TRMT9B: variants seen among roughly 807,000 people sequenced by gnomAD.
TRMT9B encodes the protein tRNA methyltransferase 9B (putative).
TRMT9B carries 16 observed loss-of-function variants against 11.5 expected under a neutral mutation model. That is an observed-to-expected ratio of 1.39 (90% CI 0.94 to 2.11). The LOEUF (loss-of-function observed/expected upper bound fraction) is 2.11, where lower values mean the gene tolerates loss of function less well. TRMT9B is among the 30% of genes most tolerant of loss of function. The probability of loss-of-function intolerance (pLI) is 0.00; values close to 1 mark genes in which losing one functional copy is unlikely to be tolerated. For synonymous variants in TRMT9B, 274 were observed against 192.4 expected (o/e 1.42, Z -3.51); for missense variants, 941 against 553.8 (o/e 1.70, Z -7.02).
intron 4 of TRMT9B, among the ~76,000 whole-genome samples, chr8:13,015,700 C>T (rs1812521756): frequency 6.6e-6 from 1 of 152,120 alleles, no homozygotes; most frequent in South Asian, 2.1e-4. Flanking sequence ...GACCATTCCA[C>T]TGAGACACTG....
At chr8:13,018,458 G>A (rs1309549942) in intron 4 of TRMT9B, among the ~76,000 whole-genome samples, 1 of 151,128 alleles carries the variant, frequency 6.6e-6, no homozygotes, top group African/African-American at 2.4e-5. Flanking sequence ...AATTCTGAAT[G>A]TTGATGTATG....
intron 1 of TRMT9B, among the ~76,000 whole-genome samples, chr8:12,971,361 G>A (rs1803593207): frequency 6.6e-6 from 1 of 152,124 alleles, no homozygotes; most frequent in Non-Finnish European, 1.5e-5. Flanking sequence ...CCAGGGAACG[G>A]CGGGCCTGGG....
intron 2 of TRMT9B, 95 bp from the exon 3 acceptor site, chr8:13,006,107 G>T: frequency 1.7e-6 from 2 of 1,208,334 alleles, no homozygotes; most frequent in Non-Finnish European, 2.3e-6. Context: ...GTTTGCAGTT[G>T]TAGGCTCCAG....
At chr8:13,017,189 T>C (rs985775158) in intron 4 of TRMT9B, among the ~76,000 whole-genome samples, 7 of 152,136 alleles carry the variant, frequency 4.6e-5, no homozygotes, top group African/African-American at 1.7e-4. Context: ...ATCTGCTTTA[T>C]GCTAAACCTG....
chr8:13,018,266 G>C (rs765370652), intron 4 of TRMT9B, among the ~76,000 whole-genome samples: 6 of 151,544 alleles, frequency 4.0e-5, no homozygotes, highest in Non-Finnish European at 7.4e-5. Flanking sequence ...GCTGGGTGTG[G>C]TGATATATAC....
At chr8:13,016,354 A>C (rs1243051311) in intron 4 of TRMT9B, among the ~76,000 whole-genome samples, 2 of 146,676 alleles carry the variant, frequency 1.4e-5, no homozygotes, top group East Asian at 3.9e-4. Context: ...TATGACATAT[A>C]TAAGGACCTA....
intron 1 of TRMT9B, among the ~76,000 whole-genome samples, chr8:12,988,931 G>A (rs1177951781): frequency 6.9e-6 from 1 of 145,834 alleles, no homozygotes; most frequent in Non-Finnish European, 1.5e-5. Context: ...TTAATTTTCT[G>A]TTTATTTGTA....
chr8:12,993,591 A>G (rs1469516178), intron 2 of TRMT9B, among the ~76,000 whole-genome samples: 1 of 152,224 alleles, frequency 6.6e-6, no homozygotes, highest in Non-Finnish European at 1.5e-5. Context: ...GGCAGTACAA[A>G]CAGAAAGACA....
At chr8:12,956,858 A>G (rs1283825278) in intron 1 of TRMT9B, among the ~76,000 whole-genome samples, 1 of 152,198 alleles carries the variant, frequency 6.6e-6, no homozygotes, top group Non-Finnish European at 1.5e-5. Context: ...TTTCCAAACT[A>G]TTGAAGTAGA....
In TRMT9B at chr8:13,025,578, G is replaced by A. The variant is rs1191519375; in HGVS notation, c.*3534G>A. The A allele has an allele frequency of 6.0e-6, 1 of 167,086 alleles. No individual in the cohort carries two copies. Among genetic ancestry groups the A allele is most frequent in the East Asian group, 1.9e-4 (1 of 5,208 alleles). 10.4% of individuals were successfully genotyped at this position (167,086 alleles called of 1,614,324 possible). ...CACTGTCTATTTGAGGAATTCCACAGAATCTTCAAAGGATTTGGGGGAAAG... is the reference window on the plus strand; with the variant it reads ...CACTGTCTATTTGAGGAATTCCACAAAATCTTCAAAGGATTTGGGGGAAAG... On this transcript the variant is annotated 3_prime_UTR_variant, in exon 5 of 5. Transcript: ENST00000524591.
chr8:12,987,480 C>T (rs1280635592), intron 1 of TRMT9B, among the ~76,000 whole-genome samples: 2 of 152,106 alleles, frequency 1.3e-5, no homozygotes, highest in Non-Finnish European at 2.9e-5. Context: ...TGTTTGAGCC[C>T]AGGAGTTTGA....
At chr8:12,953,347 T>C (rs1800884179) in intron 1 of TRMT9B, among the ~76,000 whole-genome samples, 1 of 152,094 alleles carries the variant, frequency 6.6e-6, no homozygotes, top group Non-Finnish European at 1.5e-5. Flanking sequence ...TTATTATTTA[T>C]TTGTTTGTTT....
At position 13,026,106 on chromosome 8, in the gene TRMT9B, C is replaced by A. The variant is rs1814655730; in HGVS notation, c.*4062C>A. The A allele has an allele frequency of 6.0e-6, 1 of 166,968 alleles. No individual in the cohort carries two copies. The highest frequency in any genetic ancestry group is 6.5e-5 in the Admixed American group (1 of 15,268). The allele number at this position is 166,968 out of a possible 1,614,324, so 10.3% of individuals were successfully genotyped here. On this transcript the variant is annotated 3_prime_UTR_variant, in exon 5 of 5. Transcript: ENST00000524591. Reference sequence around the variant, plus strand: ...GCACAGGTTAAATATGAGCTGTGAGCCCCCAGTTTTGGAGGAAGGAGGAAA... The same window carrying A: ...GCACAGGTTAAATATGAGCTGTGAGACCCCAGTTTTGGAGGAAGGAGGAAA...
At chr8:12,952,032 C>T in intron 1 of TRMT9B, 1 of 178,086 alleles carries the variant, frequency 5.6e-6, no homozygotes, top group African/African-American at 2.4e-5. Context: ...CTATTTTTTC[C>T]TCTTCCTTTC....
chr8:12,960,202 G>A (rs183678613), intron 1 of TRMT9B: 86 of 152,258 alleles, frequency 5.6e-4, no homozygotes, highest in African/African-American at 1.9e-3. Context: ...AGCCAGTTTT[G>A]GCACTCTAAG....
intron 1 of TRMT9B, among the ~76,000 whole-genome samples, chr8:12,968,282 G>A (rs57219093): frequency 0.015 from 2,228 of 152,286 alleles, 58 homozygotes; most frequent in African/African-American, 0.051. Context: ...CTGGGCATGT[G>A]GCCTGTGTGA....
chr8:13,006,685 T>A (rs1810538789), intron 3 of TRMT9B: 1 of 1,328,434 alleles, frequency 7.5e-7, no homozygotes, highest in Admixed American at 3.3e-5. Context: ...TTTATTCTTT[T>A]GAGATGGAGT....
intron 2 of TRMT9B, among the ~76,000 whole-genome samples, chr8:13,002,278 AG>A (rs1409936271): frequency 6.6e-6 from 1 of 152,202 alleles, no homozygotes; most frequent in African/African-American, 2.4e-5. Context: ...AACATTTCCA[AG>A]TGCAACAAAG....
chr8:13,006,819 C>A, intron 3 of TRMT9B: 1 of 283,184 alleles, frequency 3.5e-6, no homozygotes, highest in Non-Finnish European at 6.0e-6. Flanking sequence ...CAGGCACCCG[C>A]CACCACGCCC....
Sources: allele counts gnomAD v4.1 joint callset (sites outside exome capture counted in the v4.1 genomes callset), GRCh38; gene constraint gnomAD v4.1.1; transcripts MANE v1.5; gene names NCBI Gene and HGNC (gene_info 2026-07-23, HGNC 2026-07-21).